Variants in SPATC1L observed in about 807,000 individuals in gnomAD.
SPATC1L encodes spermatogenesis and centriole associated 1 like.
SPATC1L carries 20 observed loss-of-function variants against 21.2 expected under a neutral mutation model. The ratio of observed to expected loss-of-function variants is 0.94; its 90% CI spans 0.66 to 1.37. The LOEUF (loss-of-function observed/expected upper bound fraction) is 1.37, where lower values mean the gene tolerates loss of function less well. Ranked by LOEUF, SPATC1L falls within the 40% of genes most tolerant of loss-of-function variation. The probability of loss-of-function intolerance (pLI) is 0.00; values close to 1 mark genes in which losing one functional copy is unlikely to be tolerated. For synonymous variants in SPATC1L, 290 were observed against 234.5 expected (o/e 1.24, Z -2.16); for missense variants, 499 against 478.7 (o/e 1.04, Z -0.40).
chr21:46,178,179 C>T (rs1286462329), intron 2 of SPATC1L, among the ~76,000 whole-genome samples: 1 of 148,744 alleles, frequency 6.7e-6, no homozygotes, highest in African/African-American at 2.5e-5. Context: ...TTGCAGCGAG[C>T]CGAGATCGTG....
At chr21:46,163,628 G>A (rs1442456810) in intron 3 of SPATC1L, among the ~76,000 whole-genome samples, 5 of 152,136 alleles carry the variant, frequency 3.3e-5, no homozygotes, top group Non-Finnish European at 7.3e-5. Context: ...AATTGTCTTG[G>A]CACTCTTGTT....
chr21:46,181,677 G>GT (rs2079675159), intron 2 of SPATC1L, among the ~76,000 whole-genome samples: 1 of 152,146 alleles, frequency 6.6e-6, no homozygotes, highest in Non-Finnish European at 1.5e-5. Flanking sequence ...CTGGCCTCCC[G>GT]GGCATGGCTC....
intron 2 of SPATC1L, among the ~76,000 whole-genome samples, chr21:46,174,283 T>C (rs1046597409): frequency 6.7e-6 from 1 of 148,886 alleles, no homozygotes. Flanking sequence ...GAGCCGAGAT[T>C]GTGCTACTGC....
In SPATC1L at chr21:46,161,490, G is replaced by T; in HGVS notation, c.912C>A (p.Arg304=). The T allele has an allele frequency of 6.2e-7, 1 of 1,606,024 alleles. No homozygotes were observed. The highest frequency in any genetic ancestry group is 1.1e-5 in the South Asian group (1 of 90,678). ...GGGGCACCACGTCGATGACCAGCTTGCGCAGCGCGGCCGGGCTGCTGTGCA... is the reference window on the plus strand; with the variant it reads ...GGGGCACCACGTCGATGACCAGCTTTCGCAGCGCGGCCGGGCTGCTGTGCA... ...NPLHSSPAAL[R]KLVIDVVPPK... Residue 304 remains arginine (R), a synonymous_variant, in exon 5 of 5, where the codon CGC becomes CGA. Coordinates refer to ENST00000291672, the MANE Select transcript of SPATC1L (RefSeq NM_001142854.2).
At chr21:46,173,094 C>T (rs534948035) in intron 2 of SPATC1L, among the ~76,000 whole-genome samples, 20 of 152,258 alleles carry the variant, frequency 1.3e-4, no homozygotes, top group South Asian at 6.2e-4. Context: ...CAGCCAGGGA[C>T]GGCCGTCCCC....
chr21:46,167,751 C>T (rs1408094207), intron 3 of SPATC1L, among the ~76,000 whole-genome samples: 1 of 152,170 alleles, frequency 6.6e-6, no homozygotes, highest in African/African-American at 2.4e-5. Flanking sequence ...TGGCCTGAGC[C>T]TCAGGTGGAT....
In SPATC1L at chr21:46,161,462, T is replaced by TG. The variant is rs749943211; in HGVS notation, c.939dup (p.Lys314GlnfsTer?). 1.4e-5 allele frequency: 22 copies of TG among 1,594,910 alleles called. No individual in the cohort carries two copies. The highest frequency in any genetic ancestry group is 2.3e-5 in the East Asian group (1 of 44,392). On this transcript the variant is annotated frameshift_variant, in exon 5 of 5. Transcript: ENST00000291672. LOFTEE classifies it high-confidence loss of function. ...AGCAGCAGCGAGTCGCCCAGGAACTTGGGGGGCACCACGTCGATGACCAGC... is the reference window on the plus strand; with the variant it reads ...AGCAGCAGCGAGTCGCCCAGGAACTTGGGGGGGCACCACGTCGATGACCAGC...
Position 46,182,612 on chromosome 21 carries a change from G to A in SPATC1L, c.193+12C>T, listed in dbSNP as rs1235449555. On this transcript the variant is annotated intron_variant, in intron 2 of 4. Transcript: ENST00000291672. ...TCATCTACCAGGCCATCTGAGCTGG[G>A]CGGCGCCTCACCTCCGCTCCCGGGG... 17 of 1,470,130 alleles carry A rather than the reference G, an allele frequency of 1.2e-5. No homozygotes were observed. The highest frequency in any genetic ancestry group is 2.4e-4 in the Middle Eastern group (1 of 4,082). The allele number at this position is 1,470,130 out of a possible 1,614,324, so 91.1% of individuals were successfully genotyped here. A position where few individuals can be genotyped will look rare whatever the true frequency, so the allele number is the denominator to read the frequency against.
intron 2 of SPATC1L, among the ~76,000 whole-genome samples, chr21:46,174,463 G>C (rs8133740): frequency 0.27 from 41,428 of 151,756 alleles, 6,940 homozygotes; most frequent in African/African-American, 0.46. Context: ...TAAAGGCATG[G>C]AGAAAAATCT....
At chr21:46,171,891 A>G (rs1458354487) in intron 2 of SPATC1L, among the ~76,000 whole-genome samples, 1 of 150,714 alleles carries the variant, frequency 6.6e-6, no homozygotes, top group African/African-American at 2.4e-5. Context: ...ATTAGGTTTC[A>G]AAATTTGTCA....
intron 2 of SPATC1L, among the ~76,000 whole-genome samples, chr21:46,175,853 A>G (rs1372451926): frequency 6.6e-6 from 1 of 152,210 alleles, no homozygotes; most frequent in Non-Finnish European, 1.5e-5. Flanking sequence ...AGATGCAACA[A>G]AAAAAGATAA....
Position 46,172,085 on chromosome 21 carries a change from ACAGAGCATGAGGCAGGAGTG to A in SPATC1L, c.194-3447_194-3428del, listed in dbSNP as rs145201255. ...GTGCAGAGCATGAGGCGGGGGATGC[ACAGAGCATGAGGCAGGAGTG>A]CAGAGCATGAGGCGGGGGATGCACA... On this transcript the variant is annotated intron_variant, in intron 2 of 4. Transcript: ENST00000291672. Among the ~76,000 whole-genome samples, 925 of 105,414 alleles carry A rather than the reference ACAGAGCATGAGGCAGGAGTG, an allele frequency of 8.8e-3. 55 individuals are homozygous for A. The highest frequency in any genetic ancestry group is 0.018 in the South Asian group (45 of 2,554). 69.2% of individuals were successfully genotyped at this position (105,414 alleles called of 152,430 possible). A position where few individuals can be genotyped will look rare whatever the true frequency, so the allele number is the denominator to read the frequency against.
chr21:46,162,067 T>C lies in SPATC1L; in HGVS notation c.545A>G (p.Glu182Gly). The change falls in exon 4 of 5, where the codon GAG becomes GGG. Residue 182 changes from glutamate to glycine, a missense_variant and splice_region_variant. Glu to Gly is a moderately conservative substitution (Grantham distance 98). Transcript: ENST00000291672. ...DRTRRSYYLN[E>G]IQSFAGAEKD... is the part of the protein sequence containing the mutation. Reference sequence around the variant, plus strand: ...CTCGGCGCCCGCGAAGCTCTGGATCTCTGGGGGAGGGAAGGCCGGGGACAA... The same window carrying C: ...CTCGGCGCCCGCGAAGCTCTGGATCCCTGGGGGAGGGAAGGCCGGGGACAA... 6.4e-7 allele frequency: 1 copy of C among 1,570,962 alleles called. No homozygotes were observed. Among genetic ancestry groups the C allele is most frequent in the Non-Finnish European group, 8.6e-7 (1 of 1,160,670 alleles).
chr21:46,162,047 C>CG lies in SPATC1L; in HGVS notation c.564dup (p.Ala189ArgfsTer?), dbSNP rs2079502158. On this transcript the variant is annotated frameshift_variant, in exon 4 of 5. Transcript: ENST00000291672. LOFTEE classifies it high-confidence loss of function. ...CCCACCACGCGCGCGTCCTTCTCGG[C>CG]GCCCGCGAAGCTCTGGATCTCTGGG... 2 of 1,581,690 alleles carry CG rather than the reference C, an allele frequency of 1.3e-6. No individual in the cohort carries two copies. Among genetic ancestry groups the CG allele is most frequent in the African/African-American group, 2.7e-5 (2 of 74,532 alleles).
In SPATC1L at chr21:46,168,567, G is replaced by A. The variant is rs528241329; in HGVS notation, c.285C>T (p.Pro95=). The part of the protein sequence containing the change: ...SLEDLLCSHA[P]LSSEDDTSPG... The stretch of plus-strand genomic sequence containing the variant: ...GGGAGGTGTCGTCCTCGCTGGACAG[G>A]GGGGCATGTGAGCACAGCAGGTCCT... The change falls in exon 3 of 5, where the codon CCC becomes CCT. Residue 95 remains proline (P), a synonymous_variant. Coordinates refer to ENST00000291672, the MANE Select transcript of SPATC1L (RefSeq NM_001142854.2). The A allele has an allele frequency of 6.1e-6, 9 of 1,483,368 alleles. No individual in the cohort carries two copies. The Admixed American group carries it at 8.5e-5, about 14-fold the overall frequency. 91.9% of individuals were successfully genotyped at this position (1,483,368 alleles called of 1,614,324 possible).
chr21:46,175,247 A>G (rs760930765), intron 2 of SPATC1L, among the ~76,000 whole-genome samples: 2 of 152,228 alleles, frequency 1.3e-5, no homozygotes, highest in African/African-American at 2.4e-5. Flanking sequence ...CACAGCTAAA[A>G]GAACTAGAGA....
chr21:46,183,616 C>T lies in SPATC1L; in HGVS notation c.-800G>A. 2 of 72,608 alleles carry T rather than the reference C, an allele frequency of 2.8e-5. No homozygotes were observed. Among genetic ancestry groups the T allele is most frequent in the Non-Finnish European group, 2.5e-5 (1 of 39,874 alleles). The allele number at this position is 72,608 out of a possible 1,614,324, so 4.5% of individuals were successfully genotyped here. A position where few individuals can be genotyped will look rare whatever the true frequency, so the allele number is the denominator to read the frequency against. ...AGACCAGCCTGGGGGAGGAGACCAG[C>T]CTTGTGGGGGAGACCAGCCTGCGGG... On this transcript the variant is annotated 5_prime_UTR_variant, in exon 2 of 5. Transcript: ENST00000291672.
rs146301193 is a variant in SPATC1L, at chr21:46,171,693, T to A, written c.194-3035A>T. Among the ~76,000 whole-genome samples, 490 of 152,062 alleles carry A rather than the reference T, an allele frequency of 3.2e-3. 32 individuals carry two copies. The South Asian group carries it at 0.089, about 28-fold the overall frequency. The stretch of plus-strand genomic sequence containing the variant: ...GGAAAATTACTTTCAAGTGACTCAA[T>A]AAGAAGTAGAAAACCTAAATGAACC... On this transcript the variant is annotated intron_variant, in intron 2 of 4. Transcript: ENST00000291672.
intron 2 of SPATC1L, among the ~76,000 whole-genome samples, chr21:46,179,364 T>C (rs2079655344): frequency 6.6e-6 from 1 of 151,672 alleles, no homozygotes; most frequent in African/African-American, 2.4e-5. Flanking sequence ...ACATAGAAGA[T>C]CCCATCTCCA....
Sources: allele counts gnomAD v4.1 joint callset (sites outside exome capture counted in the v4.1 genomes callset), GRCh38; gene constraint gnomAD v4.1.1; transcripts MANE v1.5; gene names NCBI Gene and HGNC (gene_info 2026-07-23, HGNC 2026-07-21).